Variants in SLTM observed in about 807,000 individuals in gnomAD.
SLTM encodes SAFB like transcription modulator, also known as SAFB-like transcription modulator.
Under a neutral mutation model 134.6 loss-of-function variants are expected in SLTM, and 43 were observed. The ratio of observed to expected loss-of-function variants is 0.32; its 90% CI spans 0.25 to 0.41. The LOEUF is 0.41. Ranked by LOEUF, SLTM falls within the 10% of genes least tolerant of loss-of-function variation. The pLI is 1.00. For missense variants in SLTM, 1,055 were observed against 1,288.8 expected (o/e 0.82, Z 2.78); for synonymous variants, 424 against 432.3 (o/e 0.98, Z 0.24).
At chr15:58,926,245 C>G (rs974219442) in intron 2 of SLTM, among the ~76,000 whole-genome samples, 1 of 152,082 alleles carries the variant, frequency 6.6e-6, no homozygotes, top group South Asian at 2.1e-4. Context: ...AGAATATAGA[C>G]GGAAGGTTAT....
At chr15:58,931,904 T>C (rs1420937281) in intron 2 of SLTM, among the ~76,000 whole-genome samples, 3 of 152,140 alleles carry the variant, frequency 2.0e-5, no homozygotes, top group African/African-American at 4.8e-5. Context: ...ATGGCATAAA[T>C]GCAAATTAAG....
intron 3 of SLTM, among the ~76,000 whole-genome samples, chr15:58,914,102 A>G (rs572510075): frequency 6.6e-6 from 1 of 152,266 alleles, no homozygotes; most frequent in African/African-American, 2.4e-5. Context: ...CTAATAATAA[A>G]GAACTCCCAA....
chr15:58,906,883 G>A (rs1230740508), intron 5 of SLTM, among the ~76,000 whole-genome samples: 3 of 152,126 alleles, frequency 2.0e-5, no homozygotes, highest in African/African-American at 7.2e-5. Flanking sequence ...TGTTAAGTAC[G>A]ATAGAACTCA....
rs750699196 is a variant in SLTM, at chr15:58,897,187, A to G, written c.1155T>C (p.Asn385=). 9.3e-6 allele frequency: 15 copies of G among 1,613,102 alleles called. No individual in the cohort carries two copies. Among genetic ancestry groups the G allele is most frequent in the Non-Finnish European group, 1.2e-5 (14 of 1,179,446 alleles). The change falls in exon 9 of 21, where the codon AAT becomes AAC. Residue 385 remains asparagine (N), a synonymous_variant. Transcript: ENST00000380516. ...TAGATGAAAGTCCACTAACCCAGAT[A>G]TTTTTAGTTGAGCTTCCACTGCTAC... is the stretch of plus-strand genomic sequence containing the variant. ...TSGSSGSSTK[N]IWVSGLSSNT...
chr15:58,899,815 C>G lies in SLTM; in HGVS notation c.712G>C (p.Ala238Pro). 1 of 1,614,152 alleles carries G rather than the reference C, an allele frequency of 6.2e-7. No individual in the cohort carries two copies. Among genetic ancestry groups the G allele is most frequent in the African/African-American group, 1.3e-5 (1 of 75,040 alleles). Reference sequence around the variant, plus strand: ...GTGACCGAGATGTTGTCATCCTCAGCTTCTTTCACAGTCGTATGAGCTTCC... The same window carrying G: ...GTGACCGAGATGTTGTCATCCTCAGGTTCTTTCACAGTCGTATGAGCTTCC... Reference protein sequence around the residue: ...EMEAHTTVKEAEDDNISVTIQ... With the variant: ...EMEAHTTVKEPEDDNISVTIQ... Residue 238 changes from alanine to proline, a missense_variant, in exon 7 of 21, where the codon GCT becomes CCT. Physicochemically the swap from Ala to Pro is conservative, Grantham distance 27 (BLOSUM62 -1). Transcript: ENST00000380516. The surrounding 1 kb of genome is among the most constrained non-coding windows in gnomAD (Gnocchi z 5.0).
rs746876966 is a variant in SLTM, at chr15:58,913,489, G to A, written c.513+10C>T. The A allele has an allele frequency of 6.3e-7, 1 of 1,589,938 alleles. No individual in the cohort carries two copies. Among genetic ancestry groups the A allele is most frequent in the South Asian group, 1.2e-5 (1 of 85,966 alleles). On this transcript the variant is annotated intron_variant, in intron 4 of 20. Transcript: ENST00000380516. Reference sequence around the variant, plus strand: ...TCTGTGTCATGTTTTAAAAAAAACTGGCTAAAGACCTGACTTTCGATGTCC... The same window carrying A: ...TCTGTGTCATGTTTTAAAAAAAACTAGCTAAAGACCTGACTTTCGATGTCC...
intron 5 of SLTM, among the ~76,000 whole-genome samples, chr15:58,907,873 T>C (rs571696434): frequency 3.6e-4 from 55 of 152,254 alleles, no homozygotes; most frequent in Non-Finnish European, 6.5e-4. Context: ...AATTAACTAA[T>C]AGAAGTAGAA....
chr15:58,930,714 T>A (rs201249929), intron 2 of SLTM, among the ~76,000 whole-genome samples: 160 of 96,214 alleles, frequency 1.7e-3, no homozygotes, highest in African/African-American at 4.5e-3. Flanking sequence ...TATTAAAAAA[T>A]ATATATATAT....
intron 1 of SLTM, among the ~76,000 whole-genome samples, chr15:58,932,703 T>C (rs1402883356): frequency 6.6e-6 from 1 of 152,222 alleles, no homozygotes; most frequent in Non-Finnish European, 1.5e-5. Context: ...CACATCATAC[T>C]GGCCAAAAAT....
At position 58,882,184 on chromosome 15, in the gene SLTM, A is replaced by AAAAAAAAAAAAAAC. The variant is rs1411161089; in HGVS notation, c.2996+1441_2996+1442insGTTTTTTTTTTTTT. Among the ~76,000 whole-genome samples the AAAAAAAAAAAAAAC allele has an allele frequency of 4.0e-5, 6 of 148,314 alleles. 2 individuals carry two copies. The East Asian group carries it at 5.9e-4, about 15-fold the overall frequency. On this transcript the variant is annotated intron_variant, in intron 20 of 20. Transcript: ENST00000380516. ...TGGACAGAGCAAGACTCTGTCTCAA[A>AAAAAAAAAAAAAAC]AAAAAAAAACCACACTTAGAAATTT...
intron 19 of SLTM, among the ~76,000 whole-genome samples, chr15:58,886,265 GTATT>G (rs1420963942): frequency 2.1e-5 from 2 of 94,200 alleles, no homozygotes; most frequent in Non-Finnish European, 4.4e-5. Context: ...GTGTGTGTGT[GTATT>G]TTTTTTTTTT....
chr15:58,920,715 G>T (rs548191144), intron 2 of SLTM, among the ~76,000 whole-genome samples: 2 of 151,672 alleles, frequency 1.3e-5, no homozygotes, highest in Non-Finnish European at 2.9e-5. Context: ...CAACACTTTG[G>T]GAGGCAGAGG....
rs938759259 is a variant in SLTM at position 58,921,375 on chromosome 15, A to G, written c.251-4376T>C. The G allele has an allele frequency of 2.5e-5, 4 of 161,768 alleles. No homozygotes were observed. The South Asian group carries it at 6.0e-4, about 24-fold the overall frequency. 10.0% of individuals were successfully genotyped at this position (161,768 alleles called of 1,614,324 possible). On this transcript the variant is annotated intron_variant, in intron 2 of 20. Transcript: ENST00000380516. ...AGTTACAATGTGCCAGTTGTTTAAAATATTATCTCTTTTAGTGTAAACAGA... is the reference window on the plus strand; with the variant it reads ...AGTTACAATGTGCCAGTTGTTTAAAGTATTATCTCTTTTAGTGTAAACAGA...
At chr15:58,924,938 G>C (rs1464847121) in intron 2 of SLTM, among the ~76,000 whole-genome samples, 1 of 152,086 alleles carries the variant, frequency 6.6e-6, no homozygotes, top group Non-Finnish European at 1.5e-5. Flanking sequence ...TCCTGCCTTG[G>C]CCTCCCAAAG....
intron 20 of SLTM, 109 bp downstream of exon 20, chr15:58,883,517 T>C (rs2140931168): frequency 1.4e-6 from 2 of 1,417,350 alleles, no homozygotes; most frequent in Non-Finnish European, 2.0e-6. Flanking sequence ...TTCAGGCAGA[T>C]CTAGGGTTTT....
chr15:58,910,869 T>G (rs545544264), intron 5 of SLTM, among the ~76,000 whole-genome samples: 5 of 151,350 alleles, frequency 3.3e-5, no homozygotes, highest in African/African-American at 1.2e-4. Flanking sequence ...CTCAGCCTCC[T>G]GAGCAGCTGG....
intron 16 of SLTM, 108 bp from the exon 17 acceptor site, chr15:58,888,663 C>T (rs1033959122): frequency 1.9e-6 from 2 of 1,033,464 alleles, no homozygotes; most frequent in South Asian, 1.7e-5. Context: ...CATAACAGGG[C>T]TAGTAAACTC....
chr15:58,896,320 AG>A (rs2035073787), intron 9 of SLTM, among the ~76,000 whole-genome samples: 2 of 152,114 alleles, frequency 1.3e-5, no homozygotes, highest in Admixed American at 1.3e-4. Context: ...GCACTTTGGG[AG>A]GCTGAGACTG....
intron 11 of SLTM, 25 bp downstream of exon 11, chr15:58,894,060 CAAAAT>C (rs1395385522): frequency 2.3e-5 from 37 of 1,592,900 alleles, no homozygotes; most frequent in Non-Finnish European, 3.0e-5. Context: ...ATCTGCTTAT[CAAAAT>C]AAATAAATAA....
Sources: gnomAD v4.1 joint callset for allele counts (sites outside exome capture counted in the v4.1 genomes callset) on GRCh38, gnomAD v4.1.1 for gene constraint, Gnocchi (gnomAD v3.1) non-coding constraint, MANE v1.5 for transcripts, NCBI Gene and HGNC (gene_info 2026-07-23, HGNC 2026-07-21) for gene names.